Variants in ZNF608 observed in about 807,000 individuals in gnomAD.
The protein encoded by ZNF608 is zinc finger protein 608.
In ZNF608, 12 loss-of-function variants were observed where a neutral mutation model predicts 109.0. The ratio of observed to expected loss-of-function variants is 0.11; its 90% CI spans 0.07 to 0.18. The LOEUF is 0.18. Ranked by LOEUF, ZNF608 falls within the 10% of genes least tolerant of loss-of-function variation. ZNF608 has a pLI of 1.00. For synonymous variants in ZNF608, 732 were observed against 717.4 expected, an observed-to-expected ratio of 1.02 and a Z score of -0.33; for missense variants, 1,707 against 1,879.3, an observed-to-expected ratio of 0.91 and a Z score of 1.70.
chr5:124,716,242 T>A (rs1212463452), intron 2 of ZNF608, among the ~76,000 whole-genome samples: 1 of 151,804 alleles, frequency 6.6e-6, no homozygotes, highest in South Asian at 2.1e-4. Context: ...TGAATGGCTA[T>A]CTTCTCTAAG....
chr5:124,730,208 T>C (rs1456859927), intron 2 of ZNF608, among the ~76,000 whole-genome samples: 1 of 152,236 alleles, frequency 6.6e-6, no homozygotes, highest in Non-Finnish European at 1.5e-5. Flanking sequence ...GTTTATGTGT[T>C]AAACACTGGC....
chr5:124,745,781 C>A (rs550587466), intron 1 of ZNF608, among the ~76,000 whole-genome samples: 2 of 152,298 alleles, frequency 1.3e-5, no homozygotes, highest in Admixed American at 1.3e-4. Flanking sequence ...GCCCCCAACA[C>A]ACACACATAC....
At chr5:124,661,627 C>G (rs1309805111) in intron 3 of ZNF608, among the ~76,000 whole-genome samples, 1 of 152,182 alleles carries the variant, frequency 6.6e-6, no homozygotes, top group African/African-American at 2.4e-5. Flanking sequence ...TTTGTTAGCA[C>G]TTACTGGAGC....
At chr5:124,739,581 A>G (rs1314724901) in intron 2 of ZNF608, among the ~76,000 whole-genome samples, 2 of 152,248 alleles carry the variant, frequency 1.3e-5, no homozygotes, top group East Asian at 1.9e-4. Context: ...CAGGAACTGT[A>G]TAACCATTAT....
At chr5:124,706,631 G>A (rs765275070) in intron 2 of ZNF608, among the ~76,000 whole-genome samples, 6 of 152,100 alleles carry the variant, frequency 3.9e-5, no homozygotes, top group African/African-American at 1.4e-4. Flanking sequence ...TTTTAGCAAT[G>A]GTTTCTTTGT....
At position 124,644,568 on chromosome 5, in the gene ZNF608, T is replaced by C; in HGVS notation, c.3799A>G (p.Lys1267Glu). 2 of 1,614,062 alleles carry C rather than the reference T, an allele frequency of 1.2e-6. No individual in the cohort carries two copies. Among genetic ancestry groups the C allele is most frequent in the South Asian group, 2.2e-5 (2 of 91,036 alleles). ...SEELDREKKLKEDSPRKTPNK... is the reference protein window; with the variant it reads ...SEELDREKKLEEDSPRKTPNK... Reference sequence around the variant, plus strand: ...GGAGTTTTCCTCGGACTATCCTCTTTTAATTTCTTCTCTCTATCAAGTTCT... The same window carrying C: ...GGAGTTTTCCTCGGACTATCCTCTTCTAATTTCTTCTCTCTATCAAGTTCT... Residue 1267 changes from lysine (K) to glutamate (E), a missense_variant, in exon 6 of 10, where the codon AAA becomes GAA. By Grantham distance (56) the Lys-to-Glu change is moderately conservative. This residue lies in a region of ZNF608 where 1,073 missense variants were observed against 1,133.5 expected (regional missense o/e 0.95). Coordinates refer to ENST00000513986, the MANE Select transcript of ZNF608 (RefSeq NM_020747.3).
intron 3 of ZNF608, among the ~76,000 whole-genome samples, chr5:124,665,882 C>T (rs1054418115): frequency 3.9e-5 from 6 of 152,220 alleles, no homozygotes; most frequent in Admixed American, 1.3e-4. Context: ...AGTGGTTATT[C>T]TCCCAGACTC....
Position 124,700,957 on chromosome 5 carries a change from T to C in ZNF608, c.1162+57A>G, listed in dbSNP as rs554873732. ...AACAAATTCTCCTCACAGGTGGACA[T>C]AAATACATCATGGGGAAGAGGGCAT... On this transcript the variant is annotated intron_variant, in intron 3 of 9. Coordinates refer to ENST00000513986, the MANE Select transcript of ZNF608 (RefSeq NM_020747.3). 8.8e-6 allele frequency: 14 copies of C among 1,597,878 alleles called. No homozygotes were observed. In the East Asian group the frequency reaches 2.5e-4, roughly 28 times the overall value.
Position 124,648,485 on chromosome 5 carries a change from T to TTTG in ZNF608, c.1898_1899insCAA (p.Pro633_Pro634insLys). 1 of 1,614,192 alleles carries TTTG rather than the reference T, an allele frequency of 6.2e-7. No individual in the cohort carries two copies. Among genetic ancestry groups the TTTG allele is most frequent in the Non-Finnish European group, 8.5e-7 (1 of 1,180,036 alleles). On this transcript the variant is annotated inframe_insertion, in exon 5 of 10. Transcript: ENST00000513986. ...CTCTCTTTCCCTTTGGGGTCCCAGG[T>TTTG]GGGTTTCCAGCACCAGGGGATGCCG...
At chr5:124,691,288 G>A (rs1200563901) in intron 3 of ZNF608, among the ~76,000 whole-genome samples, 1 of 152,014 alleles carries the variant, frequency 6.6e-6, no homozygotes, top group Non-Finnish European at 1.5e-5. Flanking sequence ...AAAAAAAAAG[G>A]TGAGGGCTGG....
Position 124,710,514 on chromosome 5 carries a change from G to T in ZNF608, c.907-9245C>A, listed in dbSNP as rs547461268. The T allele has an allele frequency of 1.6e-5, 4 of 252,332 alleles. No individual in the cohort carries two copies. The South Asian group carries it at 1.8e-4, about 11-fold the overall frequency. 15.6% of individuals were successfully genotyped at this position (252,332 alleles called of 1,614,324 possible). A position where few individuals can be genotyped will look rare whatever the true frequency, so the allele number is the denominator to read the frequency against. ...AGGGAAGGCCACAGAAGCACCCAAA[G>T]CATCGTGGGTCGGCTACAGAAGAAG... On this transcript the variant is annotated intron_variant, in intron 2 of 9. Coordinates refer to ENST00000513986, the MANE Select transcript of ZNF608 (RefSeq NM_020747.3).
At chr5:124,737,500 C>A (rs1749205302) in intron 2 of ZNF608, among the ~76,000 whole-genome samples, 1 of 152,154 alleles carries the variant, frequency 6.6e-6, no homozygotes, top group South Asian at 2.1e-4. Context: ...CCTTTGAGTT[C>A]TTTATTACAG....
At chr5:124,709,104 G>A (rs941015537) in intron 2 of ZNF608, among the ~76,000 whole-genome samples, 11 of 145,594 alleles carry the variant, frequency 7.6e-5, no homozygotes, top group Non-Finnish European at 1.3e-4. Flanking sequence ...CCAGGAGGCG[G>A]AGATTGCAGT....
chr5:124,700,977 G>A lies in ZNF608; in HGVS notation c.1162+37C>T. 1.9e-6 allele frequency: 3 copies of A among 1,607,936 alleles called. No individual in the cohort carries two copies. In the African/African-American group the frequency reaches 4.0e-5, roughly 21 times the overall value. Reference sequence around the variant, plus strand: ...GGACATAAATACATCATGGGGAAGAGGGCATCGGGAAATATATAAAAATAA... The same window carrying A: ...GGACATAAATACATCATGGGGAAGAAGGCATCGGGAAATATATAAAAATAA... On this transcript the variant is annotated intron_variant, in intron 3 of 9. Coordinates refer to ENST00000513986, the MANE Select transcript of ZNF608 (RefSeq NM_020747.3).
chr5:124,694,284 C>T (rs867894651), intron 3 of ZNF608, among the ~76,000 whole-genome samples: 7 of 150,830 alleles, frequency 4.6e-5, no homozygotes, highest in African/African-American at 9.7e-5. Flanking sequence ...TGAGCCACTG[C>T]GCCCGGCCCT....
At chr5:124,711,215 T>C (rs1753475058) in intron 2 of ZNF608, among the ~76,000 whole-genome samples, 1 of 152,222 alleles carries the variant, frequency 6.6e-6, no homozygotes, top group Non-Finnish European at 1.5e-5. Flanking sequence ...ATTTTATTAA[T>C]AAAAGTCAAC....
Position 124,648,356 on chromosome 5 carries a change from G to A in ZNF608, c.2028C>T (p.Ile676=). The change falls in exon 5 of 10, where the codon ATC becomes ATT. Residue 676 remains isoleucine, a synonymous_variant. Transcript: ENST00000513986. ...TGTCTAACGCAGCCGTCATGTTGGA[G>A]ATTACTGGAAGGTTGTTCAGTTCAT... The part of the protein sequence containing the change: ...LNNELNNLPV[I]SNMTAALDSC... 2 of 1,614,208 alleles carry A rather than the reference G, an allele frequency of 1.2e-6. No individual in the cohort carries two copies. Among genetic ancestry groups the A allele is most frequent in the Non-Finnish European group, 1.7e-6 (2 of 1,180,050 alleles).
chr5:124,706,066 T>C (rs1376424013), intron 2 of ZNF608, among the ~76,000 whole-genome samples: 1 of 152,062 alleles, frequency 6.6e-6, no homozygotes, highest in Non-Finnish European at 1.5e-5. Flanking sequence ...TATAGCAAAA[T>C]TACAAGGATA....
In ZNF608 at chr5:124,745,168, T is replaced by G. The variant is rs1749592324; in HGVS notation, c.-179A>C. The stretch of plus-strand genomic sequence containing the variant: ...TTTACACCCTCAGTCCAGGTCCACC[T>G]TTTCCTGTGAAGGGGGGGGGAAAAG... On this transcript the variant is annotated 5_prime_UTR_variant, in exon 2 of 10. Transcript: ENST00000513986. 1 of 1,401,220 alleles carries G rather than the reference T, an allele frequency of 7.1e-7. No individual in the cohort carries two copies. The highest frequency in any genetic ancestry group is 1.5e-5 in the African/African-American group (1 of 67,864). 86.8% of individuals were successfully genotyped at this position (1,401,220 alleles called of 1,614,324 possible).
Sources: allele counts gnomAD v4.1 joint callset (sites outside exome capture counted in the v4.1 genomes callset), GRCh38; gene constraint gnomAD v4.1.1; regional missense constraint gnomAD v4.1.1; transcripts MANE v1.5; gene names NCBI Gene and HGNC (gene_info 2026-07-23, HGNC 2026-07-21).